ZMYM2: variants seen among roughly 807,000 people sequenced by gnomAD.
ZMYM2 encodes zinc finger MYM-type containing 2.
ZMYM2 carries 56 observed loss-of-function variants against 162.8 expected under a neutral mutation model. The observed-to-expected ratio is 0.34, with a 90% CI of 0.28 to 0.43. The LOEUF is 0.43. ZMYM2 is among the 20% of genes least tolerant of loss of function. The probability of loss-of-function intolerance (pLI) is 1.00; values close to 1 mark genes in which losing one functional copy is unlikely to be tolerated. For missense variants in ZMYM2, 1,275 were observed against 1,621.8 expected, an observed-to-expected ratio of 0.79 and a Z score of 3.67; for synonymous variants, 510 against 541.6, an observed-to-expected ratio of 0.94 and a Z score of 0.81.
intron 14 of ZMYM2, among the ~76,000 whole-genome samples, chr13:20,055,466 T>C (rs1221524322): frequency 6.6e-6 from 1 of 152,210 alleles, no homozygotes; most frequent in Admixed American, 6.5e-5. Context: ...GTTTTTGTTG[T>C]TTGCATTTTT....
At chr13:19,938,259 C>T in the ZMYM2 span, among the ~76,000 whole-genome samples, 1 of 152,144 alleles carries the variant, frequency 6.6e-6, no homozygotes, top group African/African-American at 2.4e-5. Context: ...ATAATCCCAG[C>T]ACTTTGGGAG....
chr13:19,871,281 AAAAG>A, the ZMYM2 span, among the ~76,000 whole-genome samples: 1 of 152,342 alleles, frequency 6.6e-6, no homozygotes, highest in Admixed American at 6.5e-5. Flanking sequence ...AATATTAAGC[AAAAG>A]AAAGTGAAAC....
Position 20,066,933 on chromosome 13 carries a change from A to G in ZMYM2, c.3215A>G (p.Tyr1072Cys). The G allele has an allele frequency of 6.2e-7, 1 of 1,613,696 alleles. No individual in the cohort carries two copies. The highest frequency in any genetic ancestry group is 8.5e-7 in the Non-Finnish European group (1 of 1,179,734). The stretch of plus-strand genomic sequence containing the variant: ...TCAGAATGCAGCTTTCCTTTCAAAT[A>G]TACGTATGGCGTAAATGCATGGAAA... ...DNSECSFPFK[Y>C]TYGVNAWKHW... The change falls in exon 20 of 25, where the codon TAT becomes TGT. Residue 1072 changes from tyrosine (Y) to cysteine (C), a missense_variant. Tyr to Cys is a radical substitution (Grantham distance 194). This residue lies in a region of ZMYM2 where 229 missense variants were observed against 283.8 expected (regional missense o/e 0.81). Transcript: ENST00000610343.
At chr13:19,899,673 G>A in the ZMYM2 span, among the ~76,000 whole-genome samples, 12 of 151,338 alleles carry the variant, frequency 7.9e-5, no homozygotes, top group South Asian at 4.2e-4. Flanking sequence ...AAAAATTATC[G>A]GGGCATGGTG....
At chr13:20,046,335 T>C (rs1175972334) in intron 12 of ZMYM2, among the ~76,000 whole-genome samples, 1 of 151,578 alleles carries the variant, frequency 6.6e-6, no homozygotes, top group Non-Finnish European at 1.5e-5. Context: ...TTGTTTGAAG[T>C]TGGGAGTTCT....
chr13:19,933,449 C>A, the ZMYM2 span, among the ~76,000 whole-genome samples: 3 of 152,056 alleles, frequency 2.0e-5, no homozygotes, highest in Admixed American at 2.0e-4. Context: ...CATCCTTACA[C>A]CTCTTATAAT....
intron 12 of ZMYM2, among the ~76,000 whole-genome samples, chr13:20,040,995 A>G (rs991491152): frequency 1.6e-4 from 24 of 152,118 alleles, no homozygotes; most frequent in African/African-American, 5.1e-4. Flanking sequence ...GTCCTTTTGC[A>G]TTTACTGAGG....
At chr13:20,018,763 C>G (rs529652460) in intron 6 of ZMYM2, among the ~76,000 whole-genome samples, 1 of 152,100 alleles carries the variant, frequency 6.6e-6, no homozygotes, top group East Asian at 1.9e-4. Context: ...ATGCTGGAAA[C>G]TGTCATATGT....
chr13:19,968,367 C>T (rs1021736427), intron 2 of ZMYM2, among the ~76,000 whole-genome samples: 12 of 152,102 alleles, frequency 7.9e-5, no homozygotes, highest in East Asian at 1.9e-4. Flanking sequence ...CTCAACCTCC[C>T]GAGTAGCTGG....
the ZMYM2 span, among the ~76,000 whole-genome samples, chr13:19,920,886 C>T: frequency 6.6e-6 from 1 of 151,694 alleles, no homozygotes; most frequent in East Asian, 2.0e-4. Flanking sequence ...CCTCAGCCTC[C>T]CGAGTAGCTG....
At chr13:19,874,666 C>T in the ZMYM2 span, among the ~76,000 whole-genome samples, 1 of 151,376 alleles carries the variant, frequency 6.6e-6, no homozygotes, top group Admixed American at 6.6e-5. Context: ...CTTTCCCTAA[C>T]TCATAATCCT....
At chr13:19,931,094 G>C in the ZMYM2 span, among the ~76,000 whole-genome samples, 1 of 148,196 alleles carries the variant, frequency 6.7e-6, no homozygotes, top group Non-Finnish European at 1.5e-5. Flanking sequence ...AGCCGAGATG[G>C]CGCCACAGCA....
chr13:19,898,125 G>A, the ZMYM2 span, among the ~76,000 whole-genome samples: 2 of 151,914 alleles, frequency 1.3e-5, no homozygotes, highest in South Asian at 2.1e-4. Flanking sequence ...CATTTTAAAA[G>A]ATAGAAATCA....
At chr13:19,984,057 C>T (rs1948947914) in intron 2 of ZMYM2, among the ~76,000 whole-genome samples, 1 of 152,170 alleles carries the variant, frequency 6.6e-6, no homozygotes, top group African/African-American at 2.4e-5. Context: ...CTTTGTAATT[C>T]TTTAACGATA....
At chr13:20,028,541 A>G (rs763445271) in intron 9 of ZMYM2, among the ~76,000 whole-genome samples, 22 of 152,178 alleles carry the variant, frequency 1.4e-4, no homozygotes, top group Admixed American at 3.9e-4. Context: ...TTTAAGATAT[A>G]CAGTTACCCC....
At chr13:19,898,919 C>T in the ZMYM2 span, among the ~76,000 whole-genome samples, 1 of 150,804 alleles carries the variant, frequency 6.6e-6, no homozygotes, top group Non-Finnish European at 1.5e-5. Flanking sequence ...GGTGACAGAG[C>T]AAGACCCCAC....
chr13:20,013,632 T>A (rs1027040197), intron 6 of ZMYM2, among the ~76,000 whole-genome samples: 35 of 152,186 alleles, frequency 2.3e-4, no homozygotes, highest in African/African-American at 7.7e-4. Flanking sequence ...TCAGTTTTTT[T>A]AATCATAAAA....
intron 12 of ZMYM2, among the ~76,000 whole-genome samples, chr13:20,046,621 A>G (rs867346844): frequency 0.012 from 1,615 of 134,094 alleles, 63 homozygotes; most frequent in Admixed American, 0.082. Flanking sequence ...ATATATGTGT[A>G]TATATATGTG....
chr13:19,973,879 A>G (rs974324629), intron 2 of ZMYM2, among the ~76,000 whole-genome samples: 3 of 151,942 alleles, frequency 2.0e-5, no homozygotes, highest in Admixed American at 6.6e-5. Flanking sequence ...TTAGCTCATC[A>G]GTTATCATTA....
Sources: gnomAD v4.1 joint callset for allele counts (sites outside exome capture counted in the v4.1 genomes callset) on GRCh38, gnomAD v4.1.1 for gene constraint, gnomAD v4.1.1 regional missense constraint, MANE v1.5 for transcripts, NCBI Gene and HGNC (gene_info 2026-07-23, HGNC 2026-07-21) for gene names.